MAGOH: variants seen among roughly 807,000 people sequenced by gnomAD.
MAGOH encodes the protein protein mago nashi homolog.
MAGOH carries 3 observed loss-of-function variants against 20.9 expected under a neutral mutation model. That is an observed-to-expected ratio of 0.14 (90% confidence interval 0.07 to 0.37). The LOEUF is 0.37. Ranked by LOEUF, MAGOH falls within the 10% of genes least tolerant of loss-of-function variation. The pLI is 1.00. For synonymous variants in MAGOH, 51 were observed against 61.0 expected (o/e 0.84, Z 0.76); for missense variants, 66 against 178.1 (o/e 0.37, Z 3.58).
chr1:53,234,352 C>T (rs1645601221), intron 2 of MAGOH, among the ~76,000 whole-genome samples: 1 of 151,700 alleles, frequency 6.6e-6, no homozygotes, highest in Admixed American at 6.6e-5. Context: ...GAGACTGCGA[C>T]ACCCACATGC....
At chr1:53,227,270 A>G in intron 4 of MAGOH, 126 bp from the exon 5 acceptor site, 4 of 493,962 alleles carry the variant, frequency 8.1e-6, no homozygotes, top group Middle Eastern at 3.6e-4. Flanking sequence ...AGTTTTTAAT[A>G]TAGGGAAATG....
At chr1:53,235,720 C>G in intron 1 of MAGOH, 85 bp from the exon 2 acceptor site, 1 of 977,312 alleles carries the variant, frequency 1.0e-6, no homozygotes, top group Non-Finnish European at 1.6e-6. Flanking sequence ...AGCAGTTGCC[C>G]AAAATGTATC....
At chr1:53,229,119 G>A (rs944337953) in intron 3 of MAGOH, among the ~76,000 whole-genome samples, 165 bp from the exon 4 acceptor site, 2 of 151,710 alleles carry the variant, frequency 1.3e-5, no homozygotes, top group Admixed American at 1.3e-4. Flanking sequence ...AGAAACAAGA[G>A]ATAAATACAG....
chr1:53,231,487 G>T (rs1272570286), intron 3 of MAGOH, among the ~76,000 whole-genome samples: 4 of 152,118 alleles, frequency 2.6e-5, no homozygotes, highest in Non-Finnish European at 4.4e-5. Context: ...TAAAATTTTT[G>T]ATTTCTATGG....
At chr1:53,230,033 T>G (rs1185268443) in intron 3 of MAGOH, among the ~76,000 whole-genome samples, 1 of 152,234 alleles carries the variant, frequency 6.6e-6, no homozygotes, top group African/African-American at 2.4e-5. Context: ...TGGATCTCAA[T>G]TTCCAAACAG....
At chr1:53,230,798 C>G (rs1428894877) in intron 3 of MAGOH, among the ~76,000 whole-genome samples, 1 of 152,132 alleles carries the variant, frequency 6.6e-6, no homozygotes, top group Non-Finnish European at 1.5e-5. Flanking sequence ...ATACTTTTTA[C>G]ATTTTTCATT....
In MAGOH at chr1:53,233,635, G is replaced by T; in HGVS notation, c.165C>A (p.Ser55Arg). The T allele has an allele frequency of 6.2e-7, 1 of 1,612,428 alleles. No individual in the cohort carries two copies. Among genetic ancestry groups the T allele is most frequent in the Non-Finnish European group, 8.5e-7 (1 of 1,178,582 alleles). ...MIRKEAYVHK[S>R]VMEELKRIID... ...TTATTCTCTTCAGTTCCTCCATCAC[G>T]CTTTTATGTACATAAGCCTGAACGC... The change falls in exon 3 of 5, where the codon AGC becomes AGA. Residue 55 changes from serine to arginine, a missense_variant. By Grantham distance (110) the Ser-to-Arg change is moderately radical. Transcript: ENST00000371470.
chr1:53,230,393 CTT>C (rs996395141), intron 3 of MAGOH, among the ~76,000 whole-genome samples: 12 of 152,006 alleles, frequency 7.9e-5, no homozygotes, highest in East Asian at 3.8e-4. Context: ...TTGTTCCACT[CTT>C]GTTTCAGATT....
chr1:53,229,265 C>A (rs1229967113), intron 3 of MAGOH, among the ~76,000 whole-genome samples: 1 of 150,180 alleles, frequency 6.7e-6, no homozygotes, highest in African/African-American at 2.5e-5. Context: ...CTGGCATGAT[C>A]TCGGCTCACT....
chr1:53,235,346 C>G (rs957768842), intron 2 of MAGOH, among the ~76,000 whole-genome samples: 8 of 152,164 alleles, frequency 5.3e-5, no homozygotes, highest in African/African-American at 1.9e-4. Flanking sequence ...GCAGCAGACT[C>G]AGGGTTCAAA....
chr1:53,233,255 G>A (rs1487602120), intron 3 of MAGOH: 2 of 254,960 alleles, frequency 7.8e-6, no homozygotes, highest in Non-Finnish European at 1.5e-5. Flanking sequence ...AGTTCAATAT[G>A]ACAGTGGCTT....
intron 3 of MAGOH, among the ~76,000 whole-genome samples, chr1:53,229,590 G>A (rs1645576426): frequency 6.6e-6 from 1 of 152,114 alleles, no homozygotes; most frequent in African/African-American, 2.4e-5. Context: ...TGTCAACAAT[G>A]TGGAGTAACA....
At chr1:53,234,035 A>T (rs535199116) in intron 2 of MAGOH, 17 of 194,106 alleles carry the variant, frequency 8.8e-5, no homozygotes, top group Non-Finnish European at 1.5e-4. Context: ...GTGTTAAGAG[A>T]TAGGGCCTTT....
At chr1:53,227,415 A>G (rs925755593) in intron 4 of MAGOH, among the ~76,000 whole-genome samples, 1 of 152,210 alleles carries the variant, frequency 6.6e-6, no homozygotes, top group Non-Finnish European at 1.5e-5. Flanking sequence ...ATACTGCAAG[A>G]TAGTAATAAT....
chr1:53,229,282 T>A (rs1370994501), intron 3 of MAGOH, among the ~76,000 whole-genome samples: 1 of 150,446 alleles, frequency 6.6e-6, no homozygotes, highest in Non-Finnish European at 1.5e-5. Context: ...CACTGCAACC[T>A]CCGCCTCCCA....
chr1:53,233,693 AAG>A lies in MAGOH; in HGVS notation c.148-43_148-42del, dbSNP rs1335816730. 4 of 1,286,388 alleles carry A rather than the reference AAG, an allele frequency of 3.1e-6. No individual in the cohort carries two copies. The East Asian group carries it at 6.9e-5, about 22-fold the overall frequency. The allele number at this position is 1,286,388 out of a possible 1,614,324, so 79.7% of individuals were successfully genotyped here. ...AAAACAAAATGTATGTTGTATCCTT[AAG>A]CAGTGCTTTGACTCAGATAGTGATG... On this transcript the variant is annotated intron_variant, in intron 2 of 4. Transcript: ENST00000371470.
intron 1 of MAGOH, among the ~76,000 whole-genome samples, chr1:53,236,331 T>C (rs559738780): frequency 2.0e-4 from 31 of 152,368 alleles, no homozygotes; most frequent in African/African-American, 7.0e-4. Context: ...AACAGATCTA[T>C]CAGATTAGGT....
At chr1:53,229,581 G>A (rs545329464) in intron 3 of MAGOH, among the ~76,000 whole-genome samples, 133 of 152,168 alleles carry the variant, frequency 8.7e-4, no homozygotes, top group African/African-American at 3.2e-3. Flanking sequence ...AGTTTTCATT[G>A]TCAACAATGT....
intron 3 of MAGOH, among the ~76,000 whole-genome samples, chr1:53,229,553 T>C (rs1645576304): frequency 6.6e-6 from 1 of 152,160 alleles, no homozygotes; most frequent in African/African-American, 2.4e-5. Flanking sequence ...GCGCCCAGCC[T>C]ATGTAGTATT....
Sources: allele counts gnomAD v4.1 joint callset (sites outside exome capture counted in the v4.1 genomes callset), GRCh38; gene constraint gnomAD v4.1.1; transcripts MANE v1.5; gene names NCBI Gene and HGNC (gene_info 2026-07-23, HGNC 2026-07-21).